PPP1R13B: variants seen among roughly 807,000 people sequenced by gnomAD.
PPP1R13B encodes the protein protein phosphatase 1 regulatory subunit 13B.
A neutral mutation model predicts 119.8 loss-of-function variants in PPP1R13B; 44 were observed. The observed-to-expected ratio is 0.37, with a 90% confidence interval of 0.29 to 0.47. The LOEUF is 0.47. PPP1R13B is among the 20% of genes least tolerant of loss of function. PPP1R13B has a pLI of 0.99. For synonymous variants in PPP1R13B, 542 were observed against 561.5 expected, an observed-to-expected ratio of 0.97 and a Z score of 0.49; for missense variants, 1,227 against 1,413.5, an observed-to-expected ratio of 0.87 and a Z score of 2.12.
chr14:103,772,985 G>A (rs1223979244), intron 4 of PPP1R13B, among the ~76,000 whole-genome samples: 1 of 151,932 alleles, frequency 6.6e-6, no homozygotes, highest in East Asian at 1.9e-4. Flanking sequence ...TTTTGAATTG[G>A]GTTGTTTGTT....
At chr14:103,834,582 T>C (rs12881563) in intron 1 of PPP1R13B, among the ~76,000 whole-genome samples, 1 of 93,014 alleles carries the variant, frequency 1.1e-5, no homozygotes, top group Non-Finnish European at 1.9e-5. Flanking sequence ...TTTTAATGTC[T>C]TTTTTTTTTT....
intron 1 of PPP1R13B, among the ~76,000 whole-genome samples, chr14:103,814,779 A>C (rs1156385561): frequency 6.6e-6 from 1 of 152,080 alleles, no homozygotes; most frequent in Non-Finnish European, 1.5e-5. Context: ...CCCTGTCTCT[A>C]CTAATAATAC....
chr14:103,770,014 C>T (rs2085029211), intron 4 of PPP1R13B, among the ~76,000 whole-genome samples: 1 of 151,872 alleles, frequency 6.6e-6, no homozygotes, highest in South Asian at 2.1e-4. Flanking sequence ...CTATCCCCTG[C>T]AATAGTACTA....
chr14:103,755,147 CAGG>C (rs200766783), intron 5 of PPP1R13B, among the ~76,000 whole-genome samples: 3,123 of 152,312 alleles, frequency 0.021, 62 homozygotes, highest in Middle Eastern at 0.048. Context: ...AACCTTCCAG[CAGG>C]AGAACATGCA....
chr14:103,821,031 G>C (rs12435668), intron 1 of PPP1R13B, among the ~76,000 whole-genome samples: 8,480 of 151,856 alleles, frequency 0.056, 258 homozygotes, highest in Middle Eastern at 0.12. Flanking sequence ...AAAAAGATCA[G>C]TCATAAAATC....
intron 1 of PPP1R13B, among the ~76,000 whole-genome samples, chr14:103,800,787 G>C (rs1028309879): frequency 6.6e-6 from 1 of 151,802 alleles, no homozygotes; most frequent in African/African-American, 2.4e-5. Flanking sequence ...TAACAGCTTT[G>C]AACTGGTTTC....
rs755707076 is a variant in PPP1R13B, at chr14:103,742,909, A to G, written c.1151-86T>C. On this transcript the variant is annotated intron_variant, in intron 9 of 16. Coordinates refer to ENST00000202556, the MANE Select transcript of PPP1R13B (RefSeq NM_015316.3). The surrounding 1 kb of genome is among the most constrained non-coding windows in gnomAD (Gnocchi z 4.9). ...ATAACACTCTGCCAGAAACAAAAAC[A>G]GCACTGGGACATCCCATTCTGATGC... 1.3e-5 allele frequency: 19 copies of G among 1,456,060 alleles called. No individual in the cohort carries two copies. Among genetic ancestry groups the G allele is most frequent in the Non-Finnish European group, 1.8e-5 (19 of 1,059,142 alleles). 90.2% of individuals were successfully genotyped at this position (1,456,060 alleles called of 1,614,324 possible).
intron 4 of PPP1R13B, among the ~76,000 whole-genome samples, chr14:103,762,156 T>C (rs543416575): frequency 1.3e-3 from 195 of 152,350 alleles, no homozygotes; most frequent in African/African-American, 4.5e-3. Context: ...AGCATCATCA[T>C]AACCCAGAGA....
chr14:103,790,407 G>C (rs1206555320), intron 2 of PPP1R13B, among the ~76,000 whole-genome samples: 1 of 152,122 alleles, frequency 6.6e-6, no homozygotes, highest in Non-Finnish European at 1.5e-5. Flanking sequence ...CCCCAATGTG[G>C]TAATATTAGG....
In PPP1R13B at chr14:103,738,450, G is replaced by A; in HGVS notation, c.2864+229C>T. Reference sequence around the variant, plus strand: ...CTTAGACTGCAATGTTAATGACGAGGCACAGAAAGAGCATAACCACAGCCA... The same window carrying A: ...CTTAGACTGCAATGTTAATGACGAGACACAGAAAGAGCATAACCACAGCCA... On this transcript the variant is annotated intron_variant, in intron 14 of 16. Coordinates refer to ENST00000202556, the MANE Select transcript of PPP1R13B (RefSeq NM_015316.3). The surrounding 1 kb of genome is among the most constrained non-coding windows in gnomAD (Gnocchi z 5.6). 1.7e-6 allele frequency: 1 copy of A among 597,990 alleles called. No individual in the cohort carries two copies. The highest frequency in any genetic ancestry group is 3.1e-5 in the Admixed American group (1 of 32,680). The allele number at this position is 597,990 out of a possible 1,614,324, so 37.0% of individuals were successfully genotyped here.
At chr14:103,755,265 GAATCTAATTCATTTCCTAAAGGA>G (rs1314406955) in intron 5 of PPP1R13B, among the ~76,000 whole-genome samples, 1 of 152,136 alleles carries the variant, frequency 6.6e-6, no homozygotes, top group Non-Finnish European at 1.5e-5. Flanking sequence ...TGGCTTCCAA[GAATCTAATTCATTTCCTAAAGGA>G]AATGAACACT....
intron 1 of PPP1R13B, among the ~76,000 whole-genome samples, chr14:103,827,968 A>G (rs75780495): frequency 0.026 from 3,893 of 152,290 alleles, 71 homozygotes; most frequent in Non-Finnish European, 0.035. Flanking sequence ...TTCTCTATTA[A>G]GAGTGATTTT....
intron 1 of PPP1R13B, among the ~76,000 whole-genome samples, chr14:103,805,245 T>C (rs1156583785): frequency 6.6e-6 from 1 of 152,120 alleles, no homozygotes; most frequent in Non-Finnish European, 1.5e-5. Context: ...TGTATGCAAA[T>C]GTTCATAGCT....
rs78435253 is a variant in PPP1R13B at position 103,749,381 on chromosome 14, C to G, written c.969+413G>C. 8.0e-3 allele frequency among the ~76,000 whole-genome samples: 1,215 copies of G among 152,274 alleles called. 13 individuals carry two copies. Among genetic ancestry groups the G allele is most frequent in the African/African-American group, 0.027 (1,124 of 41,544 alleles). ...ATTTATAAGAATCCTTACAACAACT[C>G]ACGGGGCAGGTAGGACAAATCACTT... On this transcript the variant is annotated intron_variant, in intron 8 of 16. Coordinates refer to ENST00000202556, the MANE Select transcript of PPP1R13B (RefSeq NM_015316.3).
chr14:103,767,892 A>C (rs2084972372), intron 4 of PPP1R13B, among the ~76,000 whole-genome samples: 2 of 152,136 alleles, frequency 1.3e-5, no homozygotes, highest in Non-Finnish European at 2.9e-5. Context: ...TTGGTGCCTT[A>C]TTCCACTTTT....
At position 103,742,128 on chromosome 14, in the gene PPP1R13B, G is replaced by C. The variant is rs1219769995; in HGVS notation, c.1484C>G (p.Pro495Arg). ...GSLPRPSAGL[P>R]SRQRPTLLPA... ...CAGCAGGGTGGGCCTCTGTCGACTTGGCAGGCCTGCACTGGGCCTGGGCAA... is the reference window on the plus strand; with the variant it reads ...CAGCAGGGTGGGCCTCTGTCGACTTCGCAGGCCTGCACTGGGCCTGGGCAA... The change falls in exon 11 of 17, where the codon CCA (proline) becomes CGA (arginine). Residue 495 changes from proline to arginine, a missense_variant. Physicochemically the swap from Pro to Arg is moderately radical, Grantham distance 103. Transcript: ENST00000202556. This position sits in a 1 kb window ranked among gnomAD's most constrained non-coding sequence, Gnocchi z 4.9. 6 of 1,612,616 alleles carry C rather than the reference G, an allele frequency of 3.7e-6. No homozygotes were observed. Among genetic ancestry groups the C allele is most frequent in the Non-Finnish European group, 5.1e-6 (6 of 1,180,012 alleles).
At chr14:103,847,252 C>T (rs1351975748) in intron 1 of PPP1R13B, 47 bp downstream of exon 1, 1 of 1,164,918 alleles carries the variant, frequency 8.6e-7, no homozygotes, top group Non-Finnish European at 1.1e-6. Context: ...GTTTGGCCAG[C>T]GGCCCGCGGA....
intron 9 of PPP1R13B, among the ~76,000 whole-genome samples, chr14:103,745,057 C>G (rs915549988): frequency 6.6e-6 from 1 of 152,336 alleles, no homozygotes; most frequent in Non-Finnish European, 1.5e-5. Flanking sequence ...TCTACTCCTA[C>G]CACAGGGTGG....
rs1567116499 is a variant in PPP1R13B at position 103,778,810 on chromosome 14, T to A, written c.289A>T (p.Thr97Ser). Reference sequence around the variant, plus strand: ...TTTCTCTGAGTTCGTTGCTCTTGGGTCTGACGGCCACCTAAAGAAATAAAA... The same window carrying A: ...TTTCTCTGAGTTCGTTGCTCTTGGGACTGACGGCCACCTAAAGAAATAAAA... ...TENSEQGGRQ[T>S]QEQRTQRNVI... The change falls in exon 4 of 17, where the codon ACC becomes TCC. Residue 97 changes from threonine to serine, a missense_variant. By Grantham distance (58) the Thr-to-Ser change is moderately conservative. Transcript: ENST00000202556. The A allele has an allele frequency of 1.9e-6, 3 of 1,613,814 alleles. No homozygotes were observed. The Admixed American group carries it at 5.0e-5, about 27-fold the overall frequency.
Sources: allele counts gnomAD v4.1 joint callset (sites outside exome capture counted in the v4.1 genomes callset), GRCh38; gene constraint gnomAD v4.1.1; non-coding constraint Gnocchi (gnomAD v3.1); transcripts MANE v1.5; gene names NCBI Gene and HGNC (gene_info 2026-07-23, HGNC 2026-07-21).